Variants in CLECL1 observed in about 807,000 individuals in gnomAD.
CLECL1 encodes C-type lectin-like domain family 1.
chr12:9,722,649 C>A, exon 4 of CLECL1: 3 of 1,613,102 alleles, frequency 1.9e-6, no homozygotes, highest in Non-Finnish European at 2.5e-6. Flanking sequence ...CTCACCATAG[C>A]AGTAATGTCT....
chr12:9,714,549 T>C (rs1194715708), downstream of CLECL1, among the ~76,000 whole-genome samples: 1 of 152,244 alleles, frequency 6.6e-6, no homozygotes, highest in African/African-American at 2.4e-5. Flanking sequence ...AACTCCACCA[T>C]GTAACTGTTT....
upstream of CLECL1, among the ~76,000 whole-genome samples, chr12:9,734,110 T>C (rs1866487562): frequency 6.6e-6 from 1 of 152,240 alleles, no homozygotes; most frequent in Non-Finnish European, 1.5e-5. Flanking sequence ...AATCTGCATA[T>C]GGAAAAACTG....
the CLECL1 span, among the ~76,000 whole-genome samples, chr12:9,705,810 A>G: frequency 4.6e-5 from 7 of 152,096 alleles, no homozygotes; most frequent in Non-Finnish European, 1.0e-4. Context: ...GCCTTGTAGT[A>G]TAGTTTGAAA....
intron 2 of CLECL1, among the ~76,000 whole-genome samples, chr12:9,728,578 T>C (rs1305741883): frequency 2.0e-5 from 3 of 151,760 alleles, no homozygotes; most frequent in African/African-American, 7.3e-5. Context: ...CTTTGAAATC[T>C]ATTAGTAACA....
chr12:9,724,983 A>C (rs1866361103), intron 3 of CLECL1, among the ~76,000 whole-genome samples: 1 of 152,152 alleles, frequency 6.6e-6, no homozygotes, highest in Non-Finnish European at 1.5e-5. Context: ...CCTCATCCTC[A>C]TTATAAACTA....
downstream of CLECL1, among the ~76,000 whole-genome samples, chr12:9,719,902 TTCAC>T (rs1162371724): frequency 6.6e-6 from 1 of 152,240 alleles, no homozygotes; most frequent in Non-Finnish European, 1.5e-5. Flanking sequence ...AGTTTCCATT[TTCAC>T]AGTGCCTTGG....
At chr12:9,722,606 T>C (rs753689359), downstream of CLECL1, 2 of 1,568,020 alleles carry the variant, frequency 1.3e-6, no homozygotes, top group Non-Finnish European at 1.7e-6. Flanking sequence ...TCACTGCCAG[T>C]GTGGGGGATG....
downstream of CLECL1, chr12:9,718,689 A>C (rs944390440): frequency 2.9e-6 from 2 of 699,198 alleles, no homozygotes; most frequent in Admixed American, 4.0e-5. Context: ...ATGTCCTTAC[A>C]AGAAGAAATT....
At chr12:9,711,369 C>G (rs181972145), downstream of CLECL1, among the ~76,000 whole-genome samples, 1 of 152,284 alleles carries the variant, frequency 6.6e-6, no homozygotes, top group East Asian at 1.9e-4. Context: ...ATTGCATTGG[C>G]TACTTAATCT....
downstream of CLECL1, among the ~76,000 whole-genome samples, chr12:9,711,961 T>A (rs997093070): frequency 1.3e-5 from 2 of 152,214 alleles, no homozygotes; most frequent in Admixed American, 6.5e-5. Flanking sequence ...TCTCCCTCAG[T>A]ATTATCATTA....
At chr12:9,703,121 A>G in the CLECL1 span, among the ~76,000 whole-genome samples, 2 of 152,214 alleles carry the variant, frequency 1.3e-5, no homozygotes, top group African/African-American at 2.4e-5. Flanking sequence ...TTCTCACCCA[A>G]AAGAGATCTG....
chr12:9,728,567 T>C lies in CLECL1; in HGVS notation n.169-909A>G, dbSNP rs144267067. 3.4e-3 allele frequency among the ~76,000 whole-genome samples: 513 copies of C among 151,922 alleles called. 2 individuals carry two copies. Among genetic ancestry groups the C allele is most frequent in the African/African-American group, 0.011 (473 of 41,466 alleles). ...AGAAACTTTTTAAGAAGACATTTTATCTTTGAAATCTATTAGTAACACATC... is the reference window on the plus strand; with the variant it reads ...AGAAACTTTTTAAGAAGACATTTTACCTTTGAAATCTATTAGTAACACATC... On this transcript the variant is annotated intron_variant and non_coding_transcript_variant, in intron 2 of 3. Transcript: ENST00000621400.
At chr12:9,721,787 T>TA (rs1433832086), downstream of CLECL1, among the ~76,000 whole-genome samples, 3 of 152,252 alleles carry the variant, frequency 2.0e-5, no homozygotes, top group Non-Finnish European at 2.9e-5. Flanking sequence ...TATCAATTCC[T>TA]AATTCCATCC....
At chr12:9,710,182 A>G in the CLECL1 span, among the ~76,000 whole-genome samples, 8 of 152,238 alleles carry the variant, frequency 5.3e-5, no homozygotes, top group South Asian at 1.7e-3. Flanking sequence ...TCCTTTAATA[A>G]TACACATGTT....
intron 3 of CLECL1, among the ~76,000 whole-genome samples, chr12:9,727,327 A>G (rs955915717): frequency 1.3e-5 from 2 of 151,876 alleles, no homozygotes; most frequent in African/African-American, 4.8e-5. Context: ...TATTTCAATG[A>G]AATACTTTTA....
chr12:9,722,352 G>A (rs974237794), downstream of CLECL1: 10 of 305,532 alleles, frequency 3.3e-5, no homozygotes, highest in African/African-American at 2.0e-4. Context: ...CATGTGTGCT[G>A]AGATCATATA....
downstream of CLECL1, among the ~76,000 whole-genome samples, chr12:9,713,081 A>T (rs1334397505): frequency 6.6e-6 from 1 of 152,128 alleles, no homozygotes; most frequent in Non-Finnish European, 1.5e-5. Flanking sequence ...TCACAACACT[A>T]AAGATTTCAC....
chr12:9,711,529 CTCT>C, downstream of CLECL1, among the ~76,000 whole-genome samples: 1 of 146,028 alleles, frequency 6.8e-6, no homozygotes, highest in Non-Finnish European at 1.5e-5. Flanking sequence ...AAAAAAAAAT[CTCT>C]TCTTAGTTTT....
At chr12:9,714,903 A>C (rs1866223607), downstream of CLECL1, among the ~76,000 whole-genome samples, 1 of 152,220 alleles carries the variant, frequency 6.6e-6, no homozygotes, top group African/African-American at 2.4e-5. Flanking sequence ...TATCATAGAA[A>C]GTCTGAAATA....
Sources: gnomAD v4.1 joint callset for allele counts (sites outside exome capture counted in the v4.1 genomes callset) on GRCh38, gnomAD v4.1.1 for gene constraint, MANE v1.5 for transcripts, NCBI Gene and HGNC (gene_info 2026-07-23, HGNC 2026-07-21) for gene names.